FGL2: variants seen among roughly 807,000 people sequenced by gnomAD.
FGL2 encodes fibroleukin.
A neutral mutation model predicts 36.0 loss-of-function variants in FGL2; 21 were observed. The ratio of observed to expected loss-of-function variants is 0.58; its 90% CI spans 0.41 to 0.84. FGL2 has a LOEUF of 0.84. FGL2 is among the 40% of genes least tolerant of loss of function. The pLI is 0.00. For synonymous variants in FGL2, 183 were observed against 190.7 expected, an observed-to-expected ratio of 0.96 and a Z score of 0.33; for missense variants, 444 against 526.3, an observed-to-expected ratio of 0.84 and a Z score of 1.53.
At chr7:77,198,960 A>C in intron 1 of FGL2, 4 of 544,098 alleles carry the variant, frequency 7.4e-6, no homozygotes, top group Non-Finnish European at 1.3e-5. Context: ...TTAAAATTGA[A>C]AGTGACTTCC....
chr7:77,194,846 A>C lies in FGL2; in HGVS notation c.*1433T>G, dbSNP rs943056892. 6.6e-6 allele frequency: 1 copy of C among 152,144 alleles called. No individual in the cohort carries two copies. Among genetic ancestry groups the C allele is most frequent in the Non-Finnish European group, 1.5e-5 (1 of 67,990 alleles). 9.4% of individuals were successfully genotyped at this position (152,144 alleles called of 1,614,324 possible). On this transcript the variant is annotated 3_prime_UTR_variant, in exon 2 of 2. Transcript: ENST00000248598. ...CCTTTTTACGATGATGAAATTAAAC[A>C]CATTTAAAAAGTCTTTTAAATATTA... is the stretch of plus-strand genomic sequence containing the variant.
rs376529141 is a variant in FGL2 at position 77,196,394 on chromosome 7, C to A, written c.1205G>T (p.Arg402Leu). 3.1e-6 allele frequency: 5 copies of A among 1,614,008 alleles called. No homozygotes were observed. Among genetic ancestry groups the A allele is most frequent in the Non-Finnish European group, 4.2e-6 (5 of 1,180,012 alleles). ...KYYHQKYRGVRNGIFWGTWPG... is the reference protein window; with the variant it reads ...KYYHQKYRGVLNGIFWGTWPG... ...CCAGGTACCCCAGAAAATCCCATTA[C>A]GGACACCTCTGTATTTTTGGTGATA... Residue 402 changes from arginine (R) to leucine (L), a missense_variant, in exon 2 of 2, where the codon CGT becomes CTT. Physicochemically the swap from Arg to Leu is moderately radical, Grantham distance 102. Transcript: ENST00000248598. This position sits in a 1 kb window ranked among gnomAD's most constrained non-coding sequence, Gnocchi z 4.2.
chr7:77,197,762 A>G (rs955253696), intron 1 of FGL2, among the ~76,000 whole-genome samples: 3 of 152,200 alleles, frequency 2.0e-5, no homozygotes, highest in Non-Finnish European at 4.4e-5. Context: ...TCAATGACAC[A>G]CCAATATTCT....
In FGL2 at chr7:77,196,576, A is replaced by G. The variant is rs1264665894; in HGVS notation, c.1023T>C (p.Asp341=). 3 of 1,614,150 alleles carry G rather than the reference A, an allele frequency of 1.9e-6. No individual in the cohort carries two copies. Among genetic ancestry groups the G allele is most frequent in the East Asian group, 4.5e-5 (2 of 44,880 alleles). The change falls in exon 2 of 2, where the codon GAT becomes GAC. Residue 341 remains aspartate (D), a synonymous_variant. Transcript: ENST00000248598. The surrounding 1 kb of genome is among the most constrained non-coding windows in gnomAD (Gnocchi z 4.2). ...TGTAATGTTTGTTGAAACGTAATGC[A>G]TCTCCAGCTGTGCCATTATAGTTAC... ...HVGNYNGTAG[D]ALRFNKHYNH... is the part of the protein sequence containing the mutation.
intron 1 of FGL2, among the ~76,000 whole-genome samples, chr7:77,197,899 C>T (rs1791905783): frequency 6.6e-6 from 1 of 152,082 alleles, no homozygotes; most frequent in South Asian, 2.1e-4. Flanking sequence ...CTGTATGAAT[C>T]AGACAGATAT....
rs182407467 is a variant in FGL2, at chr7:77,199,386, C to T, written c.408G>A (p.Glu136=). The change falls in exon 1 of 2, where the codon GAG becomes GAA. Residue 136 remains glutamate (E), a synonymous_variant. Transcript: ENST00000248598. ...TTAGCTCAGAGGACAGCTTGTTAAC[C>T]TCACTCTCTAATTCTCTAACTCTGT... The part of the protein sequence containing the change: ...GDNRVRELES[E]VNKLSSELKN... The T allele has an allele frequency of 2.9e-4, 468 of 1,614,118 alleles. 1 individual carries two copies. Among genetic ancestry groups the T allele is most frequent in the Admixed American group, 6.0e-4 (36 of 60,000 alleles).
chr7:77,196,816 G>T lies in FGL2; in HGVS notation c.783C>A (p.Ser261Arg), dbSNP rs1791880411. ...WTVLQARLDGSTNFTRTWQDY... is the reference protein window; with the variant it reads ...WTVLQARLDGRTNFTRTWQDY... ...CTTGCCATGTTCTGGTGAAGTTGGT[G>T]CTCCCATCGAGACGTGCCTGCAGCA... Residue 261 changes from serine to arginine, a missense_variant, in exon 2 of 2, where the codon AGC becomes AGA. Coordinates refer to ENST00000248598, the MANE Select transcript of FGL2 (RefSeq NM_006682.3). This position sits in a 1 kb window ranked among gnomAD's most constrained non-coding sequence, Gnocchi z 4.2. 1 of 1,614,088 alleles carries T rather than the reference G, an allele frequency of 6.2e-7. No homozygotes were observed. Among genetic ancestry groups the T allele is most frequent in the Non-Finnish European group, 8.5e-7 (1 of 1,180,010 alleles).
In FGL2 at chr7:77,196,691, T is replaced by C. The variant is rs768858175; in HGVS notation, c.908A>G (p.Asp303Gly). The C allele has an allele frequency of 1.9e-6, 3 of 1,614,076 alleles. No homozygotes were observed. In the East Asian group the frequency reaches 6.7e-5, roughly 36 times the overall value. Reference protein sequence around the residue: ...TKSKEMILRIDLEDFNGVELY... With the variant: ...TKSKEMILRIGLEDFNGVELY... ...TTCGACACCATTAAAGTCTTCAAGA[T>C]CTATTCTCAGAATCATTTCCTTACT... is the stretch of plus-strand genomic sequence containing the variant. Residue 303 changes from aspartate (D) to glycine (G), a missense_variant, in exon 2 of 2, where the codon GAT becomes GGT. Physicochemically the swap from Asp to Gly is moderately conservative, Grantham distance 94. Coordinates refer to ENST00000248598, the MANE Select transcript of FGL2 (RefSeq NM_006682.3). This position sits in a 1 kb window ranked among gnomAD's most constrained non-coding sequence, Gnocchi z 4.2.
At position 77,199,277 on chromosome 7, in the gene FGL2, C is replaced by A; in HGVS notation, c.517G>T (p.Val173Phe). Residue 173 changes from valine (V) to phenylalanine (F), a missense_variant, in exon 1 of 2, where the codon GTT becomes TTT. Physicochemically the swap from Val to Phe is conservative, Grantham distance 50. Transcript: ENST00000248598. ...GTTAGATTTGCCACTTTGCTGTCAA[C>A]ATAATTTTCTATGTTGTTCATATTT... Reference protein sequence around the residue: ...LVNMNNIENYVDSKVANLTFV... With the variant: ...LVNMNNIENYFDSKVANLTFV... The A allele has an allele frequency of 6.2e-7, 1 of 1,614,112 alleles. No homozygotes were observed. The highest frequency in any genetic ancestry group is 1.1e-5 in the South Asian group (1 of 91,080).
In FGL2 at chr7:77,195,172, C is replaced by A. The variant is rs1256582379; in HGVS notation, c.*1107G>T. ...TACCCACATATCCCTACCCACCCCCCCCAAAAAAACCTACCAGTAGTCTAG... is the reference window on the plus strand; with the variant it reads ...TACCCACATATCCCTACCCACCCCCACCAAAAAAACCTACCAGTAGTCTAG... On this transcript the variant is annotated 3_prime_UTR_variant, in exon 2 of 2. Transcript: ENST00000248598. 6.6e-6 allele frequency: 1 copy of A among 151,624 alleles called. No individual in the cohort carries two copies. The highest frequency in any genetic ancestry group is 1.5e-5 in the Non-Finnish European group (1 of 67,864). 9.4% of individuals were successfully genotyped at this position (151,624 alleles called of 1,614,324 possible). A position where few individuals can be genotyped will look rare whatever the true frequency, so the allele number is the denominator to read the frequency against.
At position 77,199,559 on chromosome 7, in the gene FGL2, A is replaced by G. The variant is rs1791944578; in HGVS notation, c.235T>C (p.Phe79Leu). The G allele has an allele frequency of 1.2e-6, 2 of 1,614,038 alleles. No homozygotes were observed. The highest frequency in any genetic ancestry group is 1.7e-6 in the Non-Finnish European group (2 of 1,179,996). Residue 79 changes from phenylalanine (F) to leucine (L), a missense_variant, in exon 1 of 2, where the codon TTC becomes CTC. By Grantham distance (22) the Phe-to-Leu change is conservative. Transcript: ENST00000248598. ...TCCTTGAGGTTTTGGACTTCTTTGA[A>G]CACCTCCTCGATCCTGCTGAATTGC... Reference protein sequence around the residue: ...PKQFSRIEEVFKEVQNLKEIV... With the variant: ...PKQFSRIEEVLKEVQNLKEIV...
In FGL2 at chr7:77,199,754, G is replaced by C. The variant is rs759522830; in HGVS notation, c.40C>G (p.Leu14Val). 5.6e-6 allele frequency: 9 copies of C among 1,614,050 alleles called. No individual in the cohort carries two copies. The Admixed American group carries it at 1.5e-4, about 27-fold the overall frequency. ...ACAACCAAAAAACCGTAAGTGGCAA[G>C]AACAGCTGAGCTCAGCCAGTACCAG... ...ANWYWLSSAV[L>V]ATYGFLVVAN... Residue 14 changes from leucine (L) to valine (V), a missense_variant, in exon 1 of 2, where the codon CTT (leucine) becomes GTT (valine). By Grantham distance (32) the Leu-to-Val change is conservative. Coordinates refer to ENST00000248598, the MANE Select transcript of FGL2 (RefSeq NM_006682.3).
rs1791945652 is a variant in FGL2, at chr7:77,199,600, G to A, written c.194C>T (p.Thr65Ile). ...GCTGAATTGCTTCGGGAGCTGAATAGTCAAGGGGGGCAGGCTTACCTGGTA... is the reference window on the plus strand; with the variant it reads ...GCTGAATTGCTTCGGGAGCTGAATAATCAAGGGGGGCAGGCTTACCTGGTA... Reference protein sequence around the residue: ...CPYQVSLPPLTIQLPKQFSRI... With the variant: ...CPYQVSLPPLIIQLPKQFSRI... The change falls in exon 1 of 2, where the codon ACT (threonine) becomes ATT (isoleucine). Residue 65 changes from threonine to isoleucine, a missense_variant. Physicochemically the swap from Thr to Ile is moderately conservative, Grantham distance 89. Transcript: ENST00000248598. 6.2e-7 allele frequency: 1 copy of A among 1,614,046 alleles called. No individual in the cohort carries two copies. The highest frequency in any genetic ancestry group is 1.3e-5 in the African/African-American group (1 of 74,942).
At position 77,193,614 on chromosome 7, in the gene FGL2, T is replaced by C. The variant is rs1791810215; in HGVS notation, c.*2665A>G. On this transcript the variant is annotated 3_prime_UTR_variant, in exon 2 of 2. Coordinates refer to ENST00000248598, the MANE Select transcript of FGL2 (RefSeq NM_006682.3). ...TTGCCCAGATTTCTTATGTTTTGTA[T>C]ATTTAAGCTCTTTATTTATTGAACA... 1 of 152,194 alleles carries C rather than the reference T, an allele frequency of 6.6e-6. No individual in the cohort carries two copies. The highest frequency in any genetic ancestry group is 2.4e-5 in the African/African-American group (1 of 41,462). The allele number at this position is 152,194 out of a possible 1,614,324, so 9.4% of individuals were successfully genotyped here.
chr7:77,197,666 C>T (rs965206891), intron 1 of FGL2, among the ~76,000 whole-genome samples: 2 of 152,142 alleles, frequency 1.3e-5, no homozygotes, highest in African/African-American at 4.8e-5. Context: ...GTGTTAAAAT[C>T]CTAATGCATA....
In FGL2 at chr7:77,199,323, G is replaced by T; in HGVS notation, c.471C>A (p.Arg157=). The change falls in exon 1 of 2, where the codon CGC becomes CGA. Residue 157 remains arginine (R), a synonymous_variant. Transcript: ENST00000248598. ...TATTTACAAGATTCAGCTTCTCCAG[G>T]CGACCATGAAGTACATTGATCTCCT... is the stretch of plus-strand genomic sequence containing the variant. The part of the protein sequence containing the change: ...AKEEINVLHG[R]LEKLNLVNMN... 1 of 1,614,010 alleles carries T rather than the reference G, an allele frequency of 6.2e-7. No individual in the cohort carries two copies.
rs1477763815 is a variant in FGL2, at chr7:77,199,382, T to C, written c.412A>G (p.Asn138Asp). The change falls in exon 1 of 2, where the codon AAC (asparagine) becomes GAC (aspartate). Residue 138 changes from asparagine to aspartate, a missense_variant. Physicochemically the swap from Asn to Asp is conservative, Grantham distance 23. Transcript: ENST00000248598. The part of the protein sequence containing the change: ...NRVRELESEV[N>D]KLSSELKNAK... ...TTCTTTAGCTCAGAGGACAGCTTGT[T>C]AACCTCACTCTCTAATTCTCTAACT... The C allele has an allele frequency of 6.2e-7, 1 of 1,614,154 alleles. No individual in the cohort carries two copies. Among genetic ancestry groups the C allele is most frequent in the South Asian group, 1.1e-5 (1 of 91,080 alleles).
At position 77,196,531 on chromosome 7, in the gene FGL2, G is replaced by A. The variant is rs1791873443; in HGVS notation, c.1068C>T (p.Phe356=). The change falls in exon 2 of 2, where the codon TTC becomes TTT. Residue 356 remains phenylalanine (F), a synonymous_variant. Coordinates refer to ENST00000248598, the MANE Select transcript of FGL2 (RefSeq NM_006682.3). This position sits in a 1 kb window ranked among gnomAD's most constrained non-coding sequence, Gnocchi z 4.2. ...GATCATTGTCTTTATCTGGAGTGGT[G>A]AAAAACTTCAGATCGTGGTTGTAAT... is the stretch of plus-strand genomic sequence containing the variant. ...NKHYNHDLKF[F]TTPDKDNDRY... The A allele has an allele frequency of 6.2e-7, 1 of 1,614,086 alleles. No homozygotes were observed. The highest frequency in any genetic ancestry group is 1.3e-5 in the African/African-American group (1 of 75,046).
At chr7:77,197,843 CAG>C (rs917489670) in intron 1 of FGL2, among the ~76,000 whole-genome samples, 1 of 152,034 alleles carries the variant, frequency 6.6e-6, no homozygotes, top group Non-Finnish European at 1.5e-5. Flanking sequence ...AAAGAAACAA[CAG>C]GTGACTATAT....
Sources: gnomAD v4.1 joint callset for allele counts (sites outside exome capture counted in the v4.1 genomes callset) on GRCh38, gnomAD v4.1.1 for gene constraint, Gnocchi (gnomAD v3.1) non-coding constraint, MANE v1.5 for transcripts, NCBI Gene and HGNC (gene_info 2026-07-23, HGNC 2026-07-21) for gene names.